Variants in RPS6KA2 observed in about 807,000 individuals in gnomAD.
The protein encoded by RPS6KA2 is ribosomal protein S6 kinase A2.
In RPS6KA2, 42 loss-of-function variants were observed where a neutral mutation model predicts 91.8. That is an observed-to-expected ratio of 0.46 (90% CI 0.36 to 0.59). The LOEUF (loss-of-function observed/expected upper bound fraction) is 0.59. RPS6KA2 is among the 20% of genes least tolerant of loss of function. The pLI, the probability that RPS6KA2 is intolerant of heterozygous loss-of-function variation, is 0.00. For missense variants in RPS6KA2, 798 were observed against 978.5 expected, an observed-to-expected ratio of 0.82 and a Z score of 2.46; for synonymous variants, 414 against 393.6, an observed-to-expected ratio of 1.05 and a Z score of -0.61.
intron 19 of RPS6KA2, among the ~76,000 whole-genome samples, chr6:166,417,646 CA>C (rs1778582490): frequency 6.6e-6 from 1 of 152,062 alleles, no homozygotes; most frequent in Non-Finnish European, 1.5e-5. Context: ...CACACACACA[CA>C]CACACGCACG....
intron 1 of RPS6KA2, among the ~76,000 whole-genome samples, chr6:166,591,321 C>T (rs896333050): frequency 6.6e-6 from 1 of 152,190 alleles, no homozygotes; most frequent in Non-Finnish European, 1.5e-5. Flanking sequence ...AGACCAGTCA[C>T]AGTGTGGCTG....
At chr6:166,450,005 G>GAGGACC (rs1779822441) in intron 13 of RPS6KA2, among the ~76,000 whole-genome samples, 3 of 147,598 alleles carry the variant, frequency 2.0e-5, no homozygotes, top group Non-Finnish European at 3.0e-5. Context: ...GAACCACCAT[G>GAGGACC]GATGTCACCT....
chr6:166,451,370 A>G (rs1583153373), intron 12 of RPS6KA2, 137 bp from the exon 13 acceptor site: 3 of 873,846 alleles, frequency 3.4e-6, no homozygotes, highest in African/African-American at 1.8e-5. Flanking sequence ...CACGTGGCGT[A>G]TGCCTGTGGT....
At chr6:166,558,834 C>T (rs1784255166) in intron 1 of RPS6KA2, among the ~76,000 whole-genome samples, 2 of 152,208 alleles carry the variant, frequency 1.3e-5, no homozygotes, top group South Asian at 4.1e-4. Flanking sequence ...CATGATGACA[C>T]ACAAGCTCTG....
rs111617326 is a variant in RPS6KA2 at position 166,532,153 on chromosome 6, A to T, written c.217-840T>A. Reference sequence around the variant, plus strand: ...CGAGGTAGGGTGGCTCCTTCCCAAAACGTCTCCTTTACTAAGCCTCAAAAA... The same window carrying T: ...CGAGGTAGGGTGGCTCCTTCCCAAATCGTCTCCTTTACTAAGCCTCAAAAA... On this transcript the variant is annotated intron_variant, in intron 2 of 20. Coordinates refer to ENST00000265678, the MANE Select transcript of RPS6KA2 (RefSeq NM_021135.6). 2.6e-3 allele frequency among the ~76,000 whole-genome samples: 402 copies of T among 152,284 alleles called. 1 individual carries two copies. The highest frequency in any genetic ancestry group is 9.4e-3 in the African/African-American group (392 of 41,556).
At chr6:166,456,881 T>C (rs1780121847) in intron 12 of RPS6KA2, among the ~76,000 whole-genome samples, 1 of 152,238 alleles carries the variant, frequency 6.6e-6, no homozygotes, top group African/African-American at 2.4e-5. Flanking sequence ...CAATTCTGAA[T>C]AGCACTGGAG....
intron 10 of RPS6KA2, among the ~76,000 whole-genome samples, chr6:166,477,777 T>A (rs1032100746): frequency 1.1e-4 from 16 of 152,226 alleles, no homozygotes; most frequent in Middle Eastern, 3.4e-3. Flanking sequence ...CAGGTGTGGT[T>A]GTGCATGCCT....
At chr6:166,838,100 C>A (rs901907195) in intron 2 of RPS6KA2, among the ~76,000 whole-genome samples, 1 of 152,228 alleles carries the variant, frequency 6.6e-6, no homozygotes, top group Non-Finnish European at 1.5e-5. Flanking sequence ...ACAGGGAGCA[C>A]CTGAGTCATG....
chr6:166,848,234 C>T (rs1583176189), intron 2 of RPS6KA2, among the ~76,000 whole-genome samples: 1 of 152,084 alleles, frequency 6.6e-6, no homozygotes, highest in East Asian at 1.9e-4. Flanking sequence ...CAATAATGCC[C>T]ATAATTTAAA....
At chr6:166,636,864 C>G (rs1787256841) in intron 2 of RPS6KA2, among the ~76,000 whole-genome samples, 1 of 152,138 alleles carries the variant, frequency 6.6e-6, no homozygotes, top group South Asian at 2.1e-4. Context: ...CTGAGATACA[C>G]TAAGTTTGAA....
chr6:166,469,940 T>A, intron 10 of RPS6KA2, 35 bp from the exon 11 acceptor site: 1 of 1,574,250 alleles, frequency 6.4e-7, no homozygotes, highest in Non-Finnish European at 8.7e-7. Context: ...TCAGAACAAA[T>A]CCAAGATGGG....
intron 5 of RPS6KA2, among the ~76,000 whole-genome samples, chr6:166,506,940 C>T (rs972448883): frequency 1.3e-5 from 2 of 152,082 alleles, no homozygotes; most frequent in Admixed American, 6.5e-5. Flanking sequence ...TCCCATGAAG[C>T]GGGGTGCTTT....
At chr6:166,716,325 G>T (rs576440151) in intron 2 of RPS6KA2, among the ~76,000 whole-genome samples, 1 of 152,218 alleles carries the variant, frequency 6.6e-6, no homozygotes, top group South Asian at 2.1e-4. Context: ...AAAACAAATA[G>T]GACGATGATT....
intron 2 of RPS6KA2, among the ~76,000 whole-genome samples, chr6:166,640,079 G>A (rs1176744369): frequency 1.3e-5 from 2 of 152,166 alleles, no homozygotes; most frequent in African/African-American, 4.8e-5. Flanking sequence ...AAGATGGTGA[G>A]GCTCTAGGAG....
chr6:166,857,725 C>T (rs1484975693), intron 2 of RPS6KA2, among the ~76,000 whole-genome samples: 1 of 152,198 alleles, frequency 6.6e-6, no homozygotes, highest in Non-Finnish European at 1.5e-5. Flanking sequence ...GGCCCTGGGA[C>T]TCCTCTCCGT....
chr6:166,798,545 C>T (rs1260756704), intron 2 of RPS6KA2, among the ~76,000 whole-genome samples: 3 of 152,238 alleles, frequency 2.0e-5, no homozygotes, highest in Non-Finnish European at 4.4e-5. Context: ...AGGCTGTGTT[C>T]AGCCTGCTGG....
At chr6:166,555,826 G>A (rs900729142) in intron 1 of RPS6KA2, among the ~76,000 whole-genome samples, 3 of 152,150 alleles carry the variant, frequency 2.0e-5, no homozygotes, top group African/African-American at 7.2e-5. Flanking sequence ...GAGGTGGGCT[G>A]CTGTCACCTC....
rs915355007 is a variant in RPS6KA2, at chr6:166,852,298, C to G, written c.123+5902G>C. 3.9e-5 allele frequency among the ~76,000 whole-genome samples: 6 copies of G among 152,166 alleles called. No homozygotes were observed. The highest frequency in any genetic ancestry group is 3.9e-4 in the Admixed American group (6 of 15,266). ...AGCAGGGCCTGGAAGATTGTTTTAT[C>G]AATCTTCTTTCAAATCTACTAGTGA... On this transcript the variant is annotated intron_variant, in intron 2 of 21. Transcript: ENST00000503859. The surrounding 1 kb of genome is among the most constrained non-coding windows in gnomAD (Gnocchi z 4.1).
At chr6:166,539,213 C>T (rs983632846) in intron 1 of RPS6KA2, among the ~76,000 whole-genome samples, 10 of 152,204 alleles carry the variant, frequency 6.6e-5, no homozygotes, top group Admixed American at 1.3e-4. Flanking sequence ...CCACCCCGCC[C>T]GGCCCATTTA....
Sources: gnomAD v4.1 joint callset for allele counts (sites outside exome capture counted in the v4.1 genomes callset) on GRCh38, gnomAD v4.1.1 for gene constraint, Gnocchi (gnomAD v3.1) non-coding constraint, MANE v1.5 for transcripts, NCBI Gene and HGNC (gene_info 2026-07-23, HGNC 2026-07-21) for gene names.